The following NTM variants were observed in gnomAD, a reference collection of about 807,000 sequenced individuals.
NTM encodes the protein neurotrimin, also known as IgLON family member 2.
NTM carries 13 observed loss-of-function variants against 42.1 expected under a neutral mutation model. That is an observed-to-expected ratio of 0.31 (90% confidence interval 0.20 to 0.49). The LOEUF (loss-of-function observed/expected upper bound fraction) is 0.49. Ranked by LOEUF, NTM falls within the 20% of genes least tolerant of loss-of-function variation. NTM has a pLI of 0.99. For missense variants in NTM, 373 were observed against 452.8 expected, an observed-to-expected ratio of 0.82 and a Z score of 1.60; for synonymous variants, 187 against 179.2, an observed-to-expected ratio of 1.04 and a Z score of -0.35.
chr11:132,118,273 T>C (rs2064190723), intron 2 of NTM, among the ~76,000 whole-genome samples: 1 of 152,150 alleles, frequency 6.6e-6, no homozygotes, highest in African/African-American at 2.4e-5. Context: ...TAATTACCAG[T>C]GGCTGCAATC....
At chr11:132,147,263 C>T (rs909011151) in intron 3 of NTM, among the ~76,000 whole-genome samples, 2 of 151,510 alleles carry the variant, frequency 1.3e-5, no homozygotes, top group Admixed American at 1.3e-4. Context: ...GTTATGCTCT[C>T]TTAGACCCTG....
At chr11:131,991,203 T>G (rs543262173) in intron 2 of NTM, among the ~76,000 whole-genome samples, 1 of 152,302 alleles carries the variant, frequency 6.6e-6, no homozygotes, top group Non-Finnish European at 1.5e-5. Context: ...AGGTGTTTTT[T>G]TGTTGTTTTT....
At chr11:131,704,638 A>C (rs1056821737) in intron 1 of NTM, among the ~76,000 whole-genome samples, 1 of 151,122 alleles carries the variant, frequency 6.6e-6, no homozygotes, top group African/African-American at 2.4e-5. Context: ...GACCCCATAG[A>C]AATGGAGATC....
intron 1 of NTM, among the ~76,000 whole-genome samples, chr11:131,390,134 T>C (rs917570711): frequency 1.3e-5 from 2 of 152,166 alleles, no homozygotes; most frequent in African/African-American, 2.4e-5. Flanking sequence ...CAGTTTTGGG[T>C]GAGGCCTCAG....
At chr11:131,433,971 C>T (rs954798393) in intron 1 of NTM, among the ~76,000 whole-genome samples, 13 of 152,112 alleles carry the variant, frequency 8.5e-5, no homozygotes, top group East Asian at 3.9e-4. Flanking sequence ...CAATAGGCAC[C>T]GGGGTGGTAG....
At chr11:132,210,073 T>C (rs1057505796) in intron 3 of NTM, among the ~76,000 whole-genome samples, 1 of 152,164 alleles carries the variant, frequency 6.6e-6, no homozygotes, top group Non-Finnish European at 1.5e-5. Flanking sequence ...CTGATTTTAG[T>C]GTGAGGGCCC....
chr11:131,794,454 G>A (rs1279557700), intron 1 of NTM: 15 of 984,746 alleles, frequency 1.5e-5, no homozygotes, highest in East Asian at 1.1e-4. Flanking sequence ...CACATGAGGC[G>A]TTTGCCTTTC....
chr11:131,890,383 C>T (rs1308731327), intron 1 of NTM, among the ~76,000 whole-genome samples: 3 of 152,136 alleles, frequency 2.0e-5, no homozygotes, highest in Non-Finnish European at 4.4e-5. Context: ...ATTGGCATTG[C>T]TGTGCTAATG....
intron 2 of NTM, chr11:131,984,706 A>G (rs2065800633): frequency 6.6e-6 from 1 of 152,176 alleles, no homozygotes; most frequent in Non-Finnish European, 1.5e-5. Flanking sequence ...CTACACAAAA[A>G]CTGTCAAAAG....
chr11:131,931,376 C>G (rs969513983), intron 2 of NTM, among the ~76,000 whole-genome samples: 1 of 151,550 alleles, frequency 6.6e-6, no homozygotes, highest in Non-Finnish European at 1.5e-5. Flanking sequence ...GAGGTCGAGG[C>G]TACAGTGAAC....
At chr11:131,862,700 T>G (rs1375678238) in intron 1 of NTM, among the ~76,000 whole-genome samples, 4 of 152,212 alleles carry the variant, frequency 2.6e-5, no homozygotes, top group Non-Finnish European at 1.5e-5. Flanking sequence ...GGCTGTGACT[T>G]TTCTGCTTTC....
intron 2 of NTM, among the ~76,000 whole-genome samples, chr11:132,023,813 G>GTTGTTGGTGGTGGTGGTT (rs528128788): frequency 4.2e-4 from 24 of 57,410 alleles, no homozygotes; most frequent in African/African-American, 2.9e-3. Context: ...TGGTGGTTTT[G>GTTGTTGGTGGTGGTGGTT]TTGTTGTTGT....
intron 1 of NTM, among the ~76,000 whole-genome samples, chr11:131,863,766 G>C (rs866632360): frequency 6.6e-6 from 1 of 152,148 alleles, no homozygotes; most frequent in Non-Finnish European, 1.5e-5. Context: ...TCTTCCACAG[G>C]TTCAGGATGT....
chr11:132,203,570 G>A (rs73597205), intron 3 of NTM, among the ~76,000 whole-genome samples: 1,968 of 152,114 alleles, frequency 0.013, 32 homozygotes, highest in African/African-American at 0.045. Context: ...TTCCATGTGC[G>A]TTTGTTATTT....
At chr11:131,516,171 C>G (rs188275660) in intron 1 of NTM, among the ~76,000 whole-genome samples, 26 of 152,310 alleles carry the variant, frequency 1.7e-4, no homozygotes, top group Admixed American at 3.3e-4. Context: ...TTTAATTTCT[C>G]AAAGTGCTTT....
chr11:132,150,245 C>A (rs1436384603), intron 3 of NTM, among the ~76,000 whole-genome samples: 2 of 152,172 alleles, frequency 1.3e-5, no homozygotes, highest in African/African-American at 4.8e-5. Context: ...CAAGAACTCA[C>A]TTGCCCCACC....
intron 8 of NTM, chr11:132,332,774 C>T (rs1360806701): frequency 6.6e-6 from 1 of 152,246 alleles, no homozygotes; most frequent in Non-Finnish European, 1.5e-5. Flanking sequence ...GTAACTACGC[C>T]AGGCCCCTGC....
At chr11:131,911,460 G>C in intron 1 of NTM, 104 bp from the exon 2 acceptor site, 1 of 1,613,982 alleles carries the variant, frequency 6.2e-7, no homozygotes, top group South Asian at 1.1e-5. Context: ...GCCGGAGTTC[G>C]GGGAAGTTGT....
At chr11:132,084,992 G>A (rs992998122) in intron 2 of NTM, among the ~76,000 whole-genome samples, 10 of 152,188 alleles carry the variant, frequency 6.6e-5, no homozygotes, top group Admixed American at 6.5e-4. Flanking sequence ...GAGTGGATTA[G>A]TGCCTTAAGA....
Sources: gnomAD v4.1 joint callset for allele counts (sites outside exome capture counted in the v4.1 genomes callset) on GRCh38, gnomAD v4.1.1 for gene constraint, MANE v1.5 for transcripts, NCBI Gene and HGNC (gene_info 2026-07-23, HGNC 2026-07-21) for gene names.